AMPH: variants seen among roughly 807,000 people sequenced by gnomAD.
The protein encoded by AMPH is amphiphysin (Stiff-Mann syndrome with breast cancer 128kD autoantigen).
In AMPH, 49 loss-of-function variants were observed where a neutral mutation model predicts 99.1. The ratio of observed to expected loss-of-function variants is 0.49; its 90% CI spans 0.39 to 0.63. The LOEUF (loss-of-function observed/expected upper bound fraction) is 0.63, where lower values mean the gene tolerates loss of function less well. AMPH is among the 20% of genes least tolerant of loss of function. The probability of loss-of-function intolerance (pLI) is 0.00; values close to 1 mark genes in which losing one functional copy is unlikely to be tolerated. For missense variants in AMPH, 759 were observed against 863.4 expected (o/e 0.88, Z 1.52); for synonymous variants, 314 against 317.3 (o/e 0.99, Z 0.11).
At chr7:38,410,293 C>T (rs569234438) in intron 17 of AMPH, among the ~76,000 whole-genome samples, 3 of 152,302 alleles carry the variant, frequency 2.0e-5, no homozygotes, top group South Asian at 4.1e-4. Flanking sequence ...TGTCATTACA[C>T]TTTGTTGGCA....
At chr7:38,386,440 G>A (rs1318941825) in intron 20 of AMPH, among the ~76,000 whole-genome samples, 4 of 152,082 alleles carry the variant, frequency 2.6e-5, no homozygotes, top group Non-Finnish European at 5.9e-5. Context: ...CCACAATCAA[G>A]ATATATTCCA....
intron 17 of AMPH, among the ~76,000 whole-genome samples, chr7:38,401,827 G>C (rs753111556): frequency 1.3e-5 from 2 of 152,002 alleles, no homozygotes; most frequent in African/African-American, 2.4e-5. Flanking sequence ...CCACATGCAG[G>C]AATTCCATCA....
At chr7:38,485,473 C>T (rs1788453069) in intron 5 of AMPH, among the ~76,000 whole-genome samples, 1 of 151,802 alleles carries the variant, frequency 6.6e-6, no homozygotes, top group African/African-American at 2.4e-5. Context: ...AAATGACAAA[C>T]TGAAGAAAGA....
intron 17 of AMPH, among the ~76,000 whole-genome samples, chr7:38,411,068 G>C (rs1785202492): frequency 6.6e-6 from 1 of 152,206 alleles, no homozygotes; most frequent in South Asian, 2.1e-4. Flanking sequence ...GAGATAGACA[G>C]CTATGGCTTA....
chr7:38,503,510 T>TGTG, intron 3 of AMPH, 140 bp downstream of exon 3: 1 of 512,584 alleles, frequency 2.0e-6, no homozygotes, highest in Non-Finnish European at 3.3e-6. Flanking sequence ...GGGTGGGTGG[T>TGTG]GGAATGGAAC....
intron 20 of AMPH, among the ~76,000 whole-genome samples, chr7:38,388,871 T>G (rs1433055236): frequency 6.6e-6 from 1 of 152,222 alleles, no homozygotes. Flanking sequence ...CTGGAACTCC[T>G]GGCCTCAAGT....
intron 1 of AMPH, among the ~76,000 whole-genome samples, chr7:38,630,541 C>T (rs1794417916): frequency 6.6e-6 from 1 of 152,160 alleles, no homozygotes; most frequent in African/African-American, 2.4e-5. Context: ...AATAAAAGGT[C>T]CTTCTTTGTG....
chr7:38,483,002 C>T (rs972857600), intron 5 of AMPH, among the ~76,000 whole-genome samples: 1 of 152,070 alleles, frequency 6.6e-6, no homozygotes. Flanking sequence ...AAGTGCAAAT[C>T]CAGCCACATT....
At chr7:38,463,924 G>A (rs1042980501) in intron 9 of AMPH, among the ~76,000 whole-genome samples, 2 of 152,184 alleles carry the variant, frequency 1.3e-5, no homozygotes, top group African/African-American at 2.4e-5. Context: ...AAAAGAGCAT[G>A]TACACAGCAG....
At position 38,590,623 on chromosome 7, in the gene AMPH, G is replaced by T. The variant is rs1030596550; in HGVS notation, c.69+40660C>A. The stretch of plus-strand genomic sequence containing the variant: ...TGATTTGACTATTTCTTTACCTCCT[G>T]CTCTTAGCCTAATTTGTATTTTAGT... On this transcript the variant is annotated intron_variant, in intron 1 of 20. Transcript: ENST00000356264. Among the ~76,000 whole-genome samples, 23 of 152,284 alleles carry T rather than the reference G, an allele frequency of 1.5e-4. No individual in the cohort carries two copies. The South Asian group carries it at 3.3e-3, about 22-fold the overall frequency.
chr7:38,511,339 A>G (rs908631028), intron 2 of AMPH, among the ~76,000 whole-genome samples: 13 of 152,184 alleles, frequency 8.5e-5, no homozygotes, highest in South Asian at 2.1e-4. Context: ...CCCTCCCAAA[A>G]CAAGCTACTT....
At chr7:38,599,950 G>A (rs530579821) in intron 1 of AMPH, among the ~76,000 whole-genome samples, 34 of 151,844 alleles carry the variant, frequency 2.2e-4, no homozygotes, top group African/African-American at 7.0e-4. Context: ...ATAAAATATC[G>A]TTGTATCTTT....
At chr7:38,519,361 A>G (rs945992263) in intron 2 of AMPH, among the ~76,000 whole-genome samples, 5 of 152,252 alleles carry the variant, frequency 3.3e-5, no homozygotes, top group Admixed American at 3.3e-4. Flanking sequence ...ATGGAAATCC[A>G]GTATGAATTC....
At chr7:38,516,963 T>A (rs1789770959) in intron 2 of AMPH, among the ~76,000 whole-genome samples, 1 of 152,230 alleles carries the variant, frequency 6.6e-6, no homozygotes, top group Non-Finnish European at 1.5e-5. Flanking sequence ...GATCAATTTA[T>A]CCCTTTTGGA....
intron 11 of AMPH, among the ~76,000 whole-genome samples, chr7:38,458,139 G>A (rs950538556): frequency 6.6e-6 from 1 of 152,108 alleles, no homozygotes; most frequent in African/African-American, 2.4e-5. Flanking sequence ...TCTGGGTGAT[G>A]AGATCATTAG....
chr7:38,617,016 T>C (rs1476995029), intron 1 of AMPH, among the ~76,000 whole-genome samples: 2 of 152,210 alleles, frequency 1.3e-5, no homozygotes, highest in Non-Finnish European at 2.9e-5. Flanking sequence ...TAGATTTTGA[T>C]TTAGTATTTT....
At position 38,506,149 on chromosome 7, in the gene AMPH, A is replaced by G. The variant is rs183788160; in HGVS notation, c.151-2445T>C. 6.6e-3 allele frequency among the ~76,000 whole-genome samples: 1,004 copies of G among 152,284 alleles called. 1 individual carries two copies. Among genetic ancestry groups the G allele is most frequent in the Non-Finnish European group, 0.01 (702 of 68,012 alleles). ...GAGCACAGCCACCACCTGCATTTTC[A>G]TGAGTGAGAAACTAACCTCTGTTGT... is the stretch of plus-strand genomic sequence containing the variant. On this transcript the variant is annotated intron_variant, in intron 2 of 20. Transcript: ENST00000356264.
At chr7:38,502,650 T>A (rs1789180363) in intron 3 of AMPH, among the ~76,000 whole-genome samples, 1 of 152,076 alleles carries the variant, frequency 6.6e-6, no homozygotes, top group African/African-American at 2.4e-5. Context: ...CTGCCCAGCC[T>A]GCCACCACTT....
chr7:38,537,043 GA>G (rs1790631623), intron 1 of AMPH, among the ~76,000 whole-genome samples: 1 of 152,002 alleles, frequency 6.6e-6, no homozygotes, highest in African/African-American at 2.4e-5. Flanking sequence ...AAAGTAACAA[GA>G]AAATTCATTA....
Sources: gnomAD v4.1 joint callset for allele counts (sites outside exome capture counted in the v4.1 genomes callset) on GRCh38, gnomAD v4.1.1 for gene constraint, MANE v1.5 for transcripts, NCBI Gene and HGNC (gene_info 2026-07-23, HGNC 2026-07-21) for gene names.